Variants in KCNH1 observed in about 807,000 individuals in gnomAD.
KCNH1 encodes voltage-gated delayed rectifier potassium channel KCNH1.
KCNH1 carries 27 observed loss-of-function variants against 69.2 expected under a neutral mutation model. The ratio of observed to expected loss-of-function variants is 0.39; its 90% confidence interval spans 0.29 to 0.54. KCNH1 has a LOEUF of 0.54. Ranked by LOEUF, KCNH1 falls within the 20% of genes least tolerant of loss-of-function variation. The pLI is 0.68. For synonymous variants in KCNH1, 456 were observed against 487.7 expected, an observed-to-expected ratio of 0.93 and a Z score of 0.86; for missense variants, 798 against 1,261.6, an observed-to-expected ratio of 0.63 and a Z score of 5.57.
intron 6 of KCNH1, among the ~76,000 whole-genome samples, chr1:210,933,271 C>T (rs1434806196): frequency 1.3e-5 from 2 of 151,962 alleles, no homozygotes; most frequent in Non-Finnish European, 2.9e-5. Flanking sequence ...GAACAAAAAA[C>T]CAAACACCAC....
intron 10 of KCNH1, among the ~76,000 whole-genome samples, chr1:210,756,263 C>T (rs1041929280): frequency 1.3e-5 from 2 of 152,194 alleles, no homozygotes; most frequent in Non-Finnish European, 2.9e-5. Flanking sequence ...GATCTTCTGA[C>T]AGAGTTAGGA....
chr1:210,860,493 T>C (rs1300799891), intron 7 of KCNH1: 5 of 838,154 alleles, frequency 6.0e-6, no homozygotes, highest in South Asian at 1.3e-5. Context: ...CTTCTTCATC[T>C]GGCCCTGTCT....
In KCNH1 at chr1:210,732,917, C is replaced by T. The variant is rs184782704; in HGVS notation, c.2112+42431G>A. 5.9e-5 allele frequency among the ~76,000 whole-genome samples: 9 copies of T among 152,250 alleles called. No individual in the cohort carries two copies. In the East Asian group the frequency reaches 9.7e-4, roughly 16 times the overall value. On this transcript the variant is annotated intron_variant, in intron 10 of 10. Coordinates refer to ENST00000271751, the MANE Select transcript of KCNH1 (RefSeq NM_172362.3). ...TCAACATATGAATTTGGGGGAAACA[C>T]GAACATTCAGACCACAGCAAGGCCC...
intron 1 of KCNH1, among the ~76,000 whole-genome samples, chr1:211,128,256 T>G (rs1571669608): frequency 7.3e-6 from 1 of 137,588 alleles, no homozygotes; most frequent in East Asian, 2.1e-4. Context: ...GCCACTGCAC[T>G]CCAGCGACAA....
intron 6 of KCNH1, among the ~76,000 whole-genome samples, chr1:211,017,510 A>T (rs1689514194): frequency 6.6e-6 from 1 of 152,178 alleles, no homozygotes; most frequent in African/African-American, 2.4e-5. Context: ...CCAGCTGAAC[A>T]AGGCTGGAGA....
rs1251751751 is a variant in KCNH1 at position 211,107,352 on chromosome 1, A to T, written c.105T>A (p.Ala35=). The change falls in exon 2 of 11, where the codon GCT becomes GCA. Residue 35 remains alanine (A), a synonymous_variant. Coordinates refer to ENST00000271751, the MANE Select transcript of KCNH1 (RefSeq NM_172362.3). The part of the protein sequence containing the change: ...SNDTNFVLGN[A]QIVDWPIVYS... ...ACACAATAGGCCAGTCCACTATCTG[A>T]GCATTCCCCAACACAAAATTAGTAT... 6.2e-7 allele frequency: 1 copy of T among 1,610,320 alleles called. No individual in the cohort carries two copies. Among genetic ancestry groups the T allele is most frequent in the Non-Finnish European group, 8.5e-7 (1 of 1,178,858 alleles).
intron 7 of KCNH1, among the ~76,000 whole-genome samples, chr1:210,816,901 T>C (rs1189372178): frequency 6.6e-6 from 1 of 152,222 alleles, no homozygotes; most frequent in East Asian, 1.9e-4. Context: ...AAGCCACTAC[T>C]ATCACATTGA....
intron 7 of KCNH1, among the ~76,000 whole-genome samples, chr1:210,882,039 A>G (rs1287506776): frequency 6.6e-6 from 1 of 152,206 alleles, no homozygotes; most frequent in Non-Finnish European, 1.5e-5. Flanking sequence ...TTGAGTGACA[A>G]TGATGTGTCA....
intron 7 of KCNH1, among the ~76,000 whole-genome samples, chr1:210,855,112 C>T (rs1685803324): frequency 6.6e-6 from 1 of 152,056 alleles, no homozygotes; most frequent in South Asian, 2.1e-4. Context: ...GAAGTCTCCT[C>T]CCAAGAGCAT....
chr1:210,710,343 T>C (rs986277018), intron 10 of KCNH1, among the ~76,000 whole-genome samples: 1 of 151,884 alleles, frequency 6.6e-6, no homozygotes, highest in South Asian at 2.1e-4. Flanking sequence ...TCCTGTACAC[T>C]ACTATAGACT....
At chr1:211,123,562 G>T (rs1208258439) in intron 1 of KCNH1, among the ~76,000 whole-genome samples, 1 of 152,118 alleles carries the variant, frequency 6.6e-6, no homozygotes, top group African/African-American at 2.4e-5. Context: ...CAGAGACAGT[G>T]ATGAAGACAG....
chr1:210,975,468 T>C (rs1004640300), intron 6 of KCNH1, among the ~76,000 whole-genome samples: 1 of 152,174 alleles, frequency 6.6e-6, no homozygotes, highest in Non-Finnish European at 1.5e-5. Context: ...ATCTGATCTT[T>C]GACAAACCTG....
chr1:211,097,770 G>T (rs1691183532), intron 3 of KCNH1, among the ~76,000 whole-genome samples: 1 of 152,184 alleles, frequency 6.6e-6, no homozygotes, highest in Non-Finnish European at 1.5e-5. Flanking sequence ...CAGCAGAAAT[G>T]CTGTCAGATG....
chr1:210,684,404 T>TC (rs1681362410), intron 10 of KCNH1, among the ~76,000 whole-genome samples: 1 of 152,130 alleles, frequency 6.6e-6, no homozygotes, highest in Admixed American at 6.5e-5. Flanking sequence ...TCCCATTTTT[T>TC]CCCCTCTCCA....
At chr1:210,971,923 T>C (rs1023879460) in intron 6 of KCNH1, among the ~76,000 whole-genome samples, 2 of 152,256 alleles carry the variant, frequency 1.3e-5, no homozygotes, top group African/African-American at 4.8e-5. Flanking sequence ...TATAATCCAT[T>C]ATTATGTCTT....
intron 7 of KCNH1, among the ~76,000 whole-genome samples, chr1:210,856,036 C>T (rs1212543739): frequency 1.3e-5 from 2 of 152,148 alleles, no homozygotes; most frequent in Non-Finnish European, 2.9e-5. Context: ...GTTACTTTGT[C>T]TCTATCACCA....
intron 10 of KCNH1, among the ~76,000 whole-genome samples, chr1:210,735,651 C>G (rs979586479): frequency 6.6e-6 from 1 of 152,142 alleles, no homozygotes; most frequent in African/African-American, 2.4e-5. Flanking sequence ...AAAAAAGTTT[C>G]TATATGTTGA....
intron 6 of KCNH1, among the ~76,000 whole-genome samples, chr1:210,958,890 G>A (rs575193228): frequency 7.2e-5 from 11 of 152,228 alleles, no homozygotes; most frequent in Admixed American, 1.3e-4. Context: ...TGTTATTACC[G>A]GCCTTCTGAA....
At chr1:210,876,362 C>G (rs1686373013) in intron 7 of KCNH1, among the ~76,000 whole-genome samples, 1 of 152,136 alleles carries the variant, frequency 6.6e-6, no homozygotes, top group Admixed American at 6.5e-5. Flanking sequence ...TACCTTCCTC[C>G]CATCCTACAT....
Sources: gnomAD v4.1 joint callset for allele counts (sites outside exome capture counted in the v4.1 genomes callset) on GRCh38, gnomAD v4.1.1 for gene constraint, MANE v1.5 for transcripts, NCBI Gene and HGNC (gene_info 2026-07-23, HGNC 2026-07-21) for gene names.